The following SNAP29 variants were observed in gnomAD, a reference collection of about 807,000 sequenced individuals.
SNAP29 encodes the protein synaptosomal-associated protein 29.
In SNAP29, 13 loss-of-function variants were observed where a neutral mutation model predicts 27.9. That is an observed-to-expected ratio of 0.47 (90% CI 0.30 to 0.74). SNAP29 has a LOEUF of 0.74. Ranked by LOEUF, SNAP29 falls within the 30% of genes least tolerant of loss-of-function variation. SNAP29 has a pLI of 0.06. For missense variants in SNAP29, 368 were observed against 336.5 expected (o/e 1.09, Z -0.73); for synonymous variants, 119 against 127.1 (o/e 0.94, Z 0.43).
chr22:20,868,338 G>A lies in SNAP29; in HGVS notation c.238-1999G>A, dbSNP rs576938412. 5.9e-5 allele frequency among the ~76,000 whole-genome samples: 9 copies of A among 152,248 alleles called. 1 individual carries two copies. The East Asian group carries it at 1.4e-3, about 23-fold the overall frequency. On this transcript the variant is annotated intron_variant, in intron 1 of 4. Transcript: ENST00000215730. Reference sequence around the variant, plus strand: ...TTGTGAACTAGTGAAAAACATAAACGTTGAAAGCTGTAAAATTCAGCAGTT... The same window carrying A: ...TTGTGAACTAGTGAAAAACATAAACATTGAAAGCTGTAAAATTCAGCAGTT...
intron 2 of SNAP29, among the ~76,000 whole-genome samples, chr22:20,879,867 A>C (rs1255482580): frequency 6.6e-6 from 1 of 150,728 alleles, no homozygotes; most frequent in Non-Finnish European, 1.5e-5. Context: ...AAAAAAAAAA[A>C]AAAAAAAAGC....
At chr22:20,876,792 G>T (rs1228506296) in intron 2 of SNAP29, among the ~76,000 whole-genome samples, 1 of 152,040 alleles carries the variant, frequency 6.6e-6, no homozygotes, top group Middle Eastern at 3.4e-3. Context: ...GGATGGTCTC[G>T]ATCTCCTGAC....
intron 2 of SNAP29, among the ~76,000 whole-genome samples, chr22:20,876,128 T>C (rs1326417710): frequency 2.0e-5 from 3 of 150,324 alleles, no homozygotes; most frequent in Non-Finnish European, 4.4e-5. Context: ...GCCACTGCAG[T>C]CCAGCCTGGG....
intron 4 of SNAP29, among the ~76,000 whole-genome samples, chr22:20,884,754 C>T (rs548700116): frequency 2.0e-5 from 3 of 147,716 alleles, no homozygotes; most frequent in African/African-American, 5.0e-5. Context: ...AGCAGGCAAG[C>T]ACTTAGTGAT....
intron 2 of SNAP29, among the ~76,000 whole-genome samples, chr22:20,871,676 A>G (rs1023156705): frequency 3.3e-5 from 5 of 152,100 alleles, no homozygotes; most frequent in African/African-American, 1.2e-4. Context: ...AAGTCAGGAA[A>G]TCAAGACCAT....
Position 20,877,051 on chromosome 22 carries a change from T to C in SNAP29, c.435-3998T>C, listed in dbSNP as rs566200522. Among the ~76,000 whole-genome samples the C allele has an allele frequency of 4.6e-5, 7 of 152,322 alleles. No homozygotes were observed. In the East Asian group the frequency reaches 1.4e-3, roughly 29 times the overall value. ...CCTTAATTTGAAATTCTCTAACTTA[T>C]TTAAGACTTGGTTTCTGACCAGGAA... On this transcript the variant is annotated intron_variant, in intron 2 of 4. Coordinates refer to ENST00000215730, the MANE Select transcript of SNAP29 (RefSeq NM_004782.4).
intron 3 of SNAP29, among the ~76,000 whole-genome samples, chr22:20,883,053 TTCAG>T (rs1928924873): frequency 6.6e-6 from 1 of 152,142 alleles, no homozygotes; most frequent in African/African-American, 2.4e-5. Context: ...AGAAATAAAT[TTCAG>T]AAAGAAACGA....
At chr22:20,873,407 G>A (rs757289215) in intron 2 of SNAP29, among the ~76,000 whole-genome samples, 15 of 152,106 alleles carry the variant, frequency 9.9e-5, no homozygotes, top group Non-Finnish European at 2.9e-5. Flanking sequence ...CACTAGTGTG[G>A]CCACCACCCA....
chr22:20,868,913 G>C lies in SNAP29; in HGVS notation c.238-1424G>C, dbSNP rs114247132. ...CCATCAGGCTGCCACTGTGGCCACAGAGCATCACTCACGTCTCCATTGGGC... is the reference window on the plus strand; with the variant it reads ...CCATCAGGCTGCCACTGTGGCCACACAGCATCACTCACGTCTCCATTGGGC... On this transcript the variant is annotated intron_variant, in intron 1 of 4. Coordinates refer to ENST00000215730, the MANE Select transcript of SNAP29 (RefSeq NM_004782.4). Among the ~76,000 whole-genome samples, 376 of 152,336 alleles carry C rather than the reference G, an allele frequency of 2.5e-3. 1 individual carries two copies. The highest frequency in any genetic ancestry group is 8.8e-3 in the African/African-American group (365 of 41,572).
At position 20,888,256 on chromosome 22, in the gene SNAP29, A is replaced by G. The variant is rs178077; in HGVS notation, c.*420A>G. On this transcript the variant is annotated 3_prime_UTR_variant, in exon 5 of 5. Coordinates refer to ENST00000215730, the MANE Select transcript of SNAP29 (RefSeq NM_004782.4). ...GTCAGAGTGTTAAGGGGGCCTGTGA[A>G]CCAGTCGTTTGGTGGAGGAGGGTCC... The G allele has an allele frequency of 0.36, 103,671 of 287,798 alleles. 19,939 individuals carry two copies. Among genetic ancestry groups the G allele is most frequent in the East Asian group, 0.49 (5,112 of 10,484 alleles). 17.8% of individuals were successfully genotyped at this position (287,798 alleles called of 1,614,324 possible).
chr22:20,868,154 CTT>C (rs1336995185), intron 1 of SNAP29, among the ~76,000 whole-genome samples: 10 of 152,210 alleles, frequency 6.6e-5, no homozygotes, highest in Admixed American at 6.5e-4. Flanking sequence ...AGATGATAAA[CTT>C]GAGGTGATGG....
rs909351177 is a variant in SNAP29 at position 20,883,536 on chromosome 22, C to G, written c.586C>G (p.Arg196Gly). The G allele has an allele frequency of 6.2e-7, 1 of 1,613,296 alleles. No individual in the cohort carries two copies. Among genetic ancestry groups the G allele is most frequent in the African/African-American group, 1.3e-5 (1 of 74,904 alleles). The change falls in exon 4 of 5, where the codon CGA becomes GGA. Residue 196 changes from arginine to glycine, a missense_variant. By Grantham distance (125) the Arg-to-Gly change is moderately radical (BLOSUM62 -2). Transcript: ENST00000215730. ...TDAYPKNPHL[R>G]AYHQKIDSNL... Reference sequence around the variant, plus strand: ...TGCTTACCCAAAGAACCCACACCTTCGAGCCTATCACCAGAAGATCGACAG... The same window carrying G: ...TGCTTACCCAAAGAACCCACACCTTGGAGCCTATCACCAGAAGATCGACAG...
intron 2 of SNAP29, among the ~76,000 whole-genome samples, chr22:20,875,915 CT>C (rs1352756078): frequency 7.9e-5 from 12 of 151,844 alleles, no homozygotes; most frequent in East Asian, 1.9e-4. Flanking sequence ...AATCCCAGCA[CT>C]TTTGGGAGGC....
chr22:20,859,093 G>T lies in SNAP29; in HGVS notation c.-18G>T. 2 of 1,583,374 alleles carry T rather than the reference G, an allele frequency of 1.3e-6. No homozygotes were observed. Among genetic ancestry groups the T allele is most frequent in the Non-Finnish European group, 1.7e-6 (2 of 1,157,934 alleles). ...GGCTCCTCCTTCTGTTTCCCAGACC[G>T]AGAGCCGCGCCGGCACCATGTCAGC... On this transcript the variant is annotated 5_prime_UTR_variant, in exon 1 of 5. Transcript: ENST00000215730.
rs541495023 is a variant in SNAP29, at chr22:20,889,185, A to G, written c.*1349A>G. The stretch of plus-strand genomic sequence containing the variant: ...TGACCTTAAAACATGGCACTGGCCC[A>G]TGTGACCTTTGCCATTTCCCAGTAC... On this transcript the variant is annotated 3_prime_UTR_variant, in exon 5 of 5. Coordinates refer to ENST00000215730, the MANE Select transcript of SNAP29 (RefSeq NM_004782.4). 11 of 152,338 alleles carry G rather than the reference A, an allele frequency of 7.2e-5. No individual in the cohort carries two copies. Among genetic ancestry groups the G allele is most frequent in the African/African-American group, 2.6e-4 (11 of 41,584 alleles). 9.4% of individuals were successfully genotyped at this position (152,338 alleles called of 1,614,324 possible).
intron 4 of SNAP29, 83 bp downstream of exon 4, chr22:20,883,652 C>T: frequency 4.6e-6 from 4 of 878,948 alleles, no homozygotes; most frequent in Non-Finnish European, 7.7e-6. Flanking sequence ...CATGAGCATC[C>T]TCCAGCTTCA....
chr22:20,866,967 G>T (rs1928475122), intron 1 of SNAP29, among the ~76,000 whole-genome samples: 1 of 152,148 alleles, frequency 6.6e-6, no homozygotes, highest in African/African-American at 2.4e-5. Flanking sequence ...CTCCCCCACA[G>T]GACTGTAAGC....
Position 20,888,629 on chromosome 22 carries a change from C to G in SNAP29, c.*793C>G, listed in dbSNP as rs1053265735. The G allele has an allele frequency of 1.3e-5, 2 of 152,978 alleles. No individual in the cohort carries two copies. Among genetic ancestry groups the G allele is most frequent in the African/African-American group, 4.8e-5 (2 of 41,440 alleles). 9.5% of individuals were successfully genotyped at this position (152,978 alleles called of 1,614,324 possible). On this transcript the variant is annotated 3_prime_UTR_variant, in exon 5 of 5. Transcript: ENST00000215730. ...TGATTTGCAACAGGTCTTCCACTGG[C>G]TCGAGGCTGCGAGGCTGACCGACAG...
intron 2 of SNAP29, among the ~76,000 whole-genome samples, chr22:20,877,749 G>A (rs1928782926): frequency 6.6e-6 from 1 of 152,160 alleles, no homozygotes; most frequent in Non-Finnish European, 1.5e-5. Flanking sequence ...GGCTTTCTTT[G>A]TGGGGGAGCC....
Sources: allele counts gnomAD v4.1 joint callset (sites outside exome capture counted in the v4.1 genomes callset), GRCh38; gene constraint gnomAD v4.1.1; transcripts MANE v1.5; gene names NCBI Gene and HGNC (gene_info 2026-07-23, HGNC 2026-07-21).